Variants in SAV1 observed in about 807,000 individuals in gnomAD.
SAV1 encodes salvador family WW domain containing protein 1.
A neutral mutation model predicts 47.3 loss-of-function variants in SAV1; 23 were observed. The ratio of observed to expected loss-of-function variants is 0.49; its 90% confidence interval spans 0.35 to 0.69. The LOEUF is 0.69. Ranked by LOEUF, SAV1 falls within the 30% of genes least tolerant of loss-of-function variation. The pLI is 0.01. For synonymous variants in SAV1, 155 were observed against 159.2 expected (o/e 0.97, Z 0.20); for missense variants, 448 against 457.4 (o/e 0.98, Z 0.19).
intron 2 of SAV1, among the ~76,000 whole-genome samples, chr14:50,651,202 T>G (rs999934396): frequency 3.3e-5 from 5 of 152,190 alleles, no homozygotes; most frequent in African/African-American, 1.2e-4. Flanking sequence ...TGTTTATTGT[T>G]TTATGCCAAT....
intron 4 of SAV1, among the ~76,000 whole-genome samples, chr14:50,640,063 G>A (rs746336342): frequency 6.6e-6 from 1 of 152,068 alleles, no homozygotes; most frequent in African/African-American, 2.4e-5. Flanking sequence ...AGCTCACTGC[G>A]GCCTCAAACT....
intron 2 of SAV1, among the ~76,000 whole-genome samples, chr14:50,660,778 T>A (rs961625242): frequency 1.3e-5 from 2 of 152,162 alleles, no homozygotes; most frequent in Non-Finnish European, 2.9e-5. Flanking sequence ...ACCTCTGCTA[T>A]CATTCTATCT....
chr14:50,666,888 C>G (rs2039906216), intron 1 of SAV1, among the ~76,000 whole-genome samples: 1 of 152,010 alleles, frequency 6.6e-6, no homozygotes. Context: ...ATCTGGAAGG[C>G]TGACAATGTG....
intron 2 of SAV1, among the ~76,000 whole-genome samples, chr14:50,656,692 T>C (rs1453730352): frequency 6.6e-6 from 1 of 152,194 alleles, no homozygotes; most frequent in African/African-American, 2.4e-5. Context: ...TCCGCCCGTC[T>C]CAGCCTCCCA....
intron 3 of SAV1, among the ~76,000 whole-genome samples, chr14:50,642,923 C>G (rs1595636947): frequency 6.6e-6 from 1 of 152,204 alleles, no homozygotes; most frequent in Non-Finnish European, 1.5e-5. Flanking sequence ...AGCTTTAACA[C>G]TTACAAACTA....
intron 2 of SAV1, among the ~76,000 whole-genome samples, chr14:50,659,073 A>ATTT (rs33946852): frequency 7.6e-6 from 1 of 131,122 alleles, no homozygotes. Context: ...GCTGTAAAGA[A>ATTT]TTTTTTTTTT....
At position 50,634,953 on chromosome 14, in the gene SAV1, T is replaced by C; in HGVS notation, c.*230A>G. The stretch of plus-strand genomic sequence containing the variant: ...TTTCCATCAAGAATACCAAAACAGT[T>C]TCCTAATATACAGTATTTGAAAGTG... On this transcript the variant is annotated 3_prime_UTR_variant, in exon 5 of 5. Coordinates refer to ENST00000324679, the MANE Select transcript of SAV1 (RefSeq NM_021818.4). 2.3e-6 allele frequency: 1 copy of C among 442,182 alleles called. No individual in the cohort carries two copies. Among genetic ancestry groups the C allele is most frequent in the South Asian group, 3.3e-5 (1 of 29,940 alleles). The allele number at this position is 442,182 out of a possible 1,614,324, so 27.4% of individuals were successfully genotyped here.
chr14:50,661,458 A>AT (rs1415109718), intron 2 of SAV1, among the ~76,000 whole-genome samples: 1 of 152,154 alleles, frequency 6.6e-6, no homozygotes, highest in Non-Finnish European at 1.5e-5. Flanking sequence ...ATATAGTCCC[A>AT]TATGTCTATT....
rs1276809239 is a variant in SAV1, at chr14:50,634,219, C to G, written c.*964G>C. The G allele has an allele frequency of 4.4e-6, 2 of 454,640 alleles. No homozygotes were observed. The highest frequency in any genetic ancestry group is 4.7e-5 in the Admixed American group (2 of 42,496). The allele number at this position is 454,640 out of a possible 1,614,324, so 28.2% of individuals were successfully genotyped here. A position where few individuals can be genotyped will look rare whatever the true frequency, so the allele number is the denominator to read the frequency against. ...TGTTAGCAACTTTGAGTTTCACGCA[C>G]CTTCCCAATACAGGCTAAGTATTCC... On this transcript the variant is annotated 3_prime_UTR_variant, in exon 5 of 5. Transcript: ENST00000324679.
chr14:50,644,021 T>C (rs181747597), intron 3 of SAV1, among the ~76,000 whole-genome samples: 57 of 152,370 alleles, frequency 3.7e-4, no homozygotes, highest in African/African-American at 1.3e-3. Flanking sequence ...ATGTGGTTAA[T>C]TTGAAATATT....
intron 2 of SAV1, chr14:50,662,968 C>G (rs1259573739): frequency 6.6e-6 from 1 of 152,226 alleles, no homozygotes; most frequent in Non-Finnish European, 1.5e-5. Context: ...TGACTCTTCC[C>G]TCTCCTTTGT....
intron 2 of SAV1, among the ~76,000 whole-genome samples, chr14:50,653,646 G>GT (rs926979313): frequency 3.3e-5 from 5 of 152,132 alleles, no homozygotes; most frequent in Non-Finnish European, 7.4e-5. Context: ...CGAGGCAGGT[G>GT]TATCACGAGG....
Position 50,668,128 on chromosome 14 carries a change from G to A in SAV1, c.-161C>T, listed in dbSNP as rs2039921247. On this transcript the variant is annotated 5_prime_UTR_variant, in exon 1 of 5. Transcript: ENST00000324679. Reference sequence around the variant, plus strand: ...TCCGGAGCCCGGGGTCGCCCGCAGGGACTGCCGCATGTTCAGGGCGCTAAG... The same window carrying A: ...TCCGGAGCCCGGGGTCGCCCGCAGGAACTGCCGCATGTTCAGGGCGCTAAG... 3 of 367,606 alleles carry A rather than the reference G, an allele frequency of 8.2e-6. No homozygotes were observed. Among genetic ancestry groups the A allele is most frequent in the Non-Finnish European group, 1.4e-5 (3 of 215,502 alleles). 22.8% of individuals were successfully genotyped at this position (367,606 alleles called of 1,614,324 possible). A position where few individuals can be genotyped will look rare whatever the true frequency, so the allele number is the denominator to read the frequency against.
chr14:50,642,968 C>G (rs1351713175), intron 3 of SAV1, among the ~76,000 whole-genome samples: 1 of 152,174 alleles, frequency 6.6e-6, no homozygotes, highest in African/African-American at 2.4e-5. Context: ...TATCCCTAAG[C>G]CTCAGCCTCC....
chr14:50,635,563 G>A (rs79812582), intron 4 of SAV1, among the ~76,000 whole-genome samples, 179 bp from the exon 5 acceptor site: 2 of 151,958 alleles, frequency 1.3e-5, no homozygotes, highest in Non-Finnish European at 1.5e-5. Context: ...CTACTTGGGA[G>A]GCTGAGGTGG....
At position 50,665,319 on chromosome 14, in the gene SAV1, C is replaced by T. The variant is rs542086787; in HGVS notation, c.395G>A (p.Arg132Gln). The T allele has an allele frequency of 1.2e-6, 2 of 1,613,706 alleles. No homozygotes were observed. The highest frequency in any genetic ancestry group is 2.2e-5 in the East Asian group (1 of 44,876). Residue 132 changes from arginine (R) to glutamine (Q), a missense_variant, in exon 2 of 5, where the codon CGA becomes CAA. Transcript: ENST00000324679. ...AAAAAAATTGTCTGAATAATAATATCGGGAACCAGAGTCTCCATTTTCAAC... is the reference window on the plus strand; with the variant it reads ...AAAAAAATTGTCTGAATAATAATATTGGGAACCAGAGTCTCCATTTTCAAC... ...FAVENGDSGSRYYYSDNFFDG... is the reference protein window; with the variant it reads ...FAVENGDSGSQYYYSDNFFDG...
rs376185501 is a variant in SAV1, at chr14:50,661,125, TA to T, written c.535+4053del. 5.3e-4 allele frequency among the ~76,000 whole-genome samples: 80 copies of T among 152,344 alleles called. No individual in the cohort carries two copies. The East Asian group carries it at 0.012, about 22-fold the overall frequency. ...TTTCTTCACACTCTCACCAGTAGTA[TA>T]TTTTTTTGTCTTTTTAACAATAGCC... is the stretch of plus-strand genomic sequence containing the variant. On this transcript the variant is annotated intron_variant, in intron 2 of 4. Coordinates refer to ENST00000324679, the MANE Select transcript of SAV1 (RefSeq NM_021818.4).
intron 4 of SAV1, among the ~76,000 whole-genome samples, chr14:50,640,374 C>T (rs2039671470): frequency 6.6e-6 from 1 of 152,156 alleles, no homozygotes; most frequent in African/African-American, 2.4e-5. Context: ...CCTGCCTCAG[C>T]CTCCCGAAGT....
At chr14:50,638,553 C>T (rs2039655304) in intron 4 of SAV1, among the ~76,000 whole-genome samples, 1 of 152,120 alleles carries the variant, frequency 6.6e-6, no homozygotes, top group Admixed American at 6.5e-5. Flanking sequence ...AAGTCCCCTG[C>T]ACCCACCCGC....
Sources: gnomAD v4.1 joint callset for allele counts (sites outside exome capture counted in the v4.1 genomes callset) on GRCh38, gnomAD v4.1.1 for gene constraint, MANE v1.5 for transcripts, NCBI Gene and HGNC (gene_info 2026-07-23, HGNC 2026-07-21) for gene names.